The following STK4 variants were observed in gnomAD, a reference collection of about 807,000 sequenced individuals.
STK4 encodes the protein serine/threonine kinase 4.
In STK4, 30 loss-of-function variants were observed where a neutral mutation model predicts 64.9. That is an observed-to-expected ratio of 0.46 (90% CI 0.35 to 0.63). STK4 has a LOEUF of 0.63. Ranked by LOEUF, STK4 falls within the 20% of genes least tolerant of loss-of-function variation. STK4 has a pLI of 0.01. For synonymous variants in STK4, 177 were observed against 199.0 expected (o/e 0.89, Z 0.93); for missense variants, 466 against 598.5 (o/e 0.78, Z 2.31).
At position 45,012,737 on chromosome 20, in the gene STK4, A is replaced by G. The variant is rs988366310; in HGVS notation, c.1147+11384A>G. ...AAAAATGGAGACAGTCTTATTGTCT[A>G]TGAATTATGATTATAGTTTTTCCTT... On this transcript the variant is annotated intron_variant, in intron 9 of 10. Coordinates refer to ENST00000372806, the MANE Select transcript of STK4 (RefSeq NM_006282.5). 3.3e-5 allele frequency among the ~76,000 whole-genome samples: 5 copies of G among 151,210 alleles called. No homozygotes were observed. In the East Asian group the frequency reaches 7.7e-4, roughly 23 times the overall value.
At chr20:44,969,833 ATAT>A (rs2067213198) in intron 1 of STK4, among the ~76,000 whole-genome samples, 1 of 152,222 alleles carries the variant, frequency 6.6e-6, no homozygotes, top group African/African-American at 2.4e-5. Flanking sequence ...ATGGTATAAA[ATAT>A]TATTATGAAT....
At position 44,967,972 on chromosome 20, in the gene STK4, A is replaced by G. The variant is rs1170491470; in HGVS notation, c.35+1369A>G. Among the ~76,000 whole-genome samples, 4 of 152,178 alleles carry G rather than the reference A, an allele frequency of 2.6e-5. No homozygotes were observed. In the East Asian group the frequency reaches 7.7e-4, roughly 29 times the overall value. ...TTTTGAACCATAAAAACCTCATTTG[A>G]ACTCATTTGAACCTCACAACAATCC... On this transcript the variant is annotated intron_variant, in intron 1 of 10. Transcript: ENST00000372806.
intron 1 of STK4, among the ~76,000 whole-genome samples, chr20:44,970,895 GTGTGTGTGTGTGTGTGTA>G (rs1340561745): frequency 6.6e-6 from 1 of 151,574 alleles, no homozygotes; most frequent in African/African-American, 2.4e-5. Context: ...ACATTTGTGT[GTGTGTGTGTGTGTGTGTA>G]TGTGTGTGTA....
intron 10 of STK4, among the ~76,000 whole-genome samples, chr20:45,036,198 T>A (rs1022704129): frequency 1.8e-4 from 28 of 152,348 alleles, no homozygotes; most frequent in Admixed American, 6.5e-4. Context: ...ATACAGTATG[T>A]CCTTATGAGG....
intron 9 of STK4, among the ~76,000 whole-genome samples, chr20:45,012,346 A>G (rs986409235): frequency 1.3e-5 from 2 of 152,086 alleles, no homozygotes; most frequent in Admixed American, 6.6e-5. Context: ...TCCCATATAA[A>G]TTTTAGGATC....
chr20:45,048,094 G>A (rs960324380), intron 10 of STK4, among the ~76,000 whole-genome samples: 2 of 152,178 alleles, frequency 1.3e-5, no homozygotes, highest in Non-Finnish European at 1.5e-5. Context: ...TCTTTTAAAA[G>A]CAGAGAAATG....
intron 10 of STK4, among the ~76,000 whole-genome samples, chr20:45,068,402 G>A (rs1453593781): frequency 6.6e-6 from 1 of 152,144 alleles, no homozygotes; most frequent in Non-Finnish European, 1.5e-5. Flanking sequence ...GTCAGCAGCA[G>A]CACCATGTGT....
At chr20:44,975,030 A>G (rs1482102104) in intron 2 of STK4, 1 of 152,210 alleles carries the variant, frequency 6.6e-6, no homozygotes, top group East Asian at 1.9e-4. Flanking sequence ...GACTCATTTG[A>G]ATTTTTATCA....
intron 9 of STK4, among the ~76,000 whole-genome samples, chr20:45,020,893 C>T (rs915708369): frequency 6.6e-6 from 1 of 151,936 alleles, no homozygotes; most frequent in East Asian, 1.9e-4. Flanking sequence ...CTCACTGCAG[C>T]CTTGACCTCC....
At chr20:45,062,243 T>C (rs759062401) in intron 10 of STK4, among the ~76,000 whole-genome samples, 1 of 152,216 alleles carries the variant, frequency 6.6e-6, no homozygotes, top group Non-Finnish European at 1.5e-5. Context: ...ACTCCATCCA[T>C]GTTGCTGCAG....
intron 5 of STK4, among the ~76,000 whole-genome samples, chr20:44,993,884 C>T (rs1601222841): frequency 6.6e-6 from 1 of 151,694 alleles, no homozygotes; most frequent in African/African-American, 2.4e-5. Flanking sequence ...GAGACTCAGT[C>T]AGGAGAGTCG....
At chr20:45,005,793 TCTC>T (rs2067932184) in intron 9 of STK4, among the ~76,000 whole-genome samples, 1 of 152,126 alleles carries the variant, frequency 6.6e-6, no homozygotes, top group African/African-American at 2.4e-5. Context: ...TCATTTTTCT[TCTC>T]CTTTCAGTAG....
chr20:45,072,720 A>G (rs1316350317), intron 10 of STK4, among the ~76,000 whole-genome samples: 1 of 152,272 alleles, frequency 6.6e-6, no homozygotes, highest in East Asian at 1.9e-4. Context: ...AGCATGAAAT[A>G]GAGTAGAATA....
chr20:45,074,584 C>T (rs1016246923), intron 10 of STK4, among the ~76,000 whole-genome samples: 1 of 151,728 alleles, frequency 6.6e-6, no homozygotes, highest in African/African-American at 2.4e-5. Context: ...GGTGTCGTAT[C>T]CTGAAAGTGG....
chr20:44,978,712 C>A, intron 3 of STK4, 141 bp downstream of exon 3: 1 of 960,758 alleles, frequency 1.0e-6, no homozygotes, highest in Non-Finnish European at 1.4e-6. Flanking sequence ...ATTTTCTTTT[C>A]AGAAAAAAAT....
chr20:45,027,297 G>T (rs1215197453), intron 10 of STK4, among the ~76,000 whole-genome samples: 1 of 151,912 alleles, frequency 6.6e-6, no homozygotes. Flanking sequence ...CAGTGTGGTG[G>T]TGCATGCCTG....
At chr20:45,058,034 A>G (rs1160719259) in intron 10 of STK4, among the ~76,000 whole-genome samples, 22 of 148,326 alleles carry the variant, frequency 1.5e-4, no homozygotes, top group Non-Finnish European at 3.3e-4. Context: ...ATAAAAACTT[A>G]TATTTAGCAG....
chr20:45,047,977 A>G (rs1406902485), intron 10 of STK4, among the ~76,000 whole-genome samples: 1 of 152,238 alleles, frequency 6.6e-6, no homozygotes, highest in Non-Finnish European at 1.5e-5. Context: ...GCCAATTTAA[A>G]AAATGCAGCT....
At chr20:44,977,236 A>T (rs2145642346) in intron 2 of STK4, among the ~76,000 whole-genome samples, 1 of 152,358 alleles carries the variant, frequency 6.6e-6, no homozygotes, top group South Asian at 2.1e-4. Flanking sequence ...TGCAAGTATG[A>T]CAGCTTCTAA....
Sources: allele counts gnomAD v4.1 joint callset (sites outside exome capture counted in the v4.1 genomes callset), GRCh38; gene constraint gnomAD v4.1.1; transcripts MANE v1.5; gene names NCBI Gene and HGNC (gene_info 2026-07-23, HGNC 2026-07-21).